The following DTNA variants were observed in gnomAD, a reference collection of about 807,000 sequenced individuals.
The protein encoded by DTNA is dystrophin-related protein 3.
Under a neutral mutation model 100.7 loss-of-function variants are expected in DTNA, and 43 were observed. The observed-to-expected ratio is 0.43, with a 90% confidence interval of 0.33 to 0.55. The LOEUF is 0.55. Among genes scored for constraint, DTNA ranks in the 20% least tolerant of loss-of-function variants. DTNA has a pLI of 0.04. For synonymous variants in DTNA, 349 were observed against 347.9 expected, an observed-to-expected ratio of 1.00 and a Z score of -0.04; for missense variants, 798 against 953.9, an observed-to-expected ratio of 0.84 and a Z score of 2.15.
At chr18:34,591,716 C>T (rs1286186460) in intron 1 of DTNA, among the ~76,000 whole-genome samples, 1 of 152,144 alleles carries the variant, frequency 6.6e-6, no homozygotes, top group Non-Finnish European at 1.5e-5. Flanking sequence ...CCTGCAGTTT[C>T]CCTAAGAAAC....
chr18:34,655,851 A>C (rs1034010665), intron 1 of DTNA, among the ~76,000 whole-genome samples: 1 of 152,354 alleles, frequency 6.6e-6, no homozygotes, highest in South Asian at 2.1e-4. Context: ...TGGAATAGAC[A>C]GACTTTGAGG....
At chr18:34,723,558 A>G (rs1180037389) in intron 1 of DTNA, among the ~76,000 whole-genome samples, 1 of 152,196 alleles carries the variant, frequency 6.6e-6, no homozygotes, top group Non-Finnish European at 1.5e-5. Context: ...AGGAGAATAC[A>G]AAGGCAATAA....
intron 3 of DTNA, among the ~76,000 whole-genome samples, chr18:34,782,754 C>G (rs758929293): frequency 6.6e-6 from 1 of 152,212 alleles, no homozygotes; most frequent in Non-Finnish European, 1.5e-5. Context: ...GGACTACAGA[C>G]TAGTAGACTG....
rs549580124 is a variant in DTNA at position 34,671,286 on chromosome 18, G to A, written c.-1-84690G>A. Reference sequence around the variant, plus strand: ...TTGCTAAGACCATTGGAAAAGTGCAGTATTAGGATGGGAGTGAACCGATTT... The same window carrying A: ...TTGCTAAGACCATTGGAAAAGTGCAATATTAGGATGGGAGTGAACCGATTT... On this transcript the variant is annotated intron_variant, in intron 1 of 19. Transcript: ENST00000283365. Among the ~76,000 whole-genome samples, 5 of 152,308 alleles carry A rather than the reference G, an allele frequency of 3.3e-5. No homozygotes were observed. The East Asian group carries it at 5.8e-4, about 18-fold the overall frequency.
intron 1 of DTNA, among the ~76,000 whole-genome samples, chr18:34,522,724 G>T (rs914816098): frequency 6.6e-6 from 1 of 152,156 alleles, no homozygotes; most frequent in African/African-American, 2.4e-5. Context: ...GGGTGGAAGG[G>T]CTCCTTGCAG....
intron 3 of DTNA, among the ~76,000 whole-genome samples, chr18:34,788,724 A>AGTGTCTGCTTTT (rs2094597943): frequency 6.6e-6 from 1 of 152,204 alleles, no homozygotes; most frequent in African/African-American, 2.4e-5. Context: ...AACAAAACTA[A>AGTGTCTGCTTTT]GTGTCTGCTT....
At chr18:34,521,603 C>T (rs1283901642) in intron 1 of DTNA, among the ~76,000 whole-genome samples, 2 of 152,086 alleles carry the variant, frequency 1.3e-5, no homozygotes, top group African/African-American at 4.8e-5. Context: ...TATTCCTTGA[C>T]TTCCGTCCCT....
intron 1 of DTNA, among the ~76,000 whole-genome samples, chr18:34,631,576 A>G (rs2058085281): frequency 6.6e-6 from 1 of 152,256 alleles, no homozygotes; most frequent in Non-Finnish European, 1.5e-5. Context: ...TTAAGAAGCA[A>G]AGTGATTAAA....
intron 1 of DTNA, among the ~76,000 whole-genome samples, chr18:34,724,648 A>T (rs1600855131): frequency 1.3e-5 from 2 of 152,166 alleles, no homozygotes; most frequent in South Asian, 2.1e-4. Flanking sequence ...GTGAATTGAT[A>T]CAGTGAGAAC....
chr18:34,496,244 A>ACACACACACACACC (rs1367443521), intron 1 of DTNA, among the ~76,000 whole-genome samples: 5 of 147,426 alleles, frequency 3.4e-5, no homozygotes, highest in African/African-American at 7.4e-5. Context: ...ACACACACAC[A>ACACACACACACACC]CCAGAATTAT....
intron 19 of DTNA, among the ~76,000 whole-genome samples, chr18:34,878,272 A>G (rs1003661600): frequency 6.6e-6 from 1 of 152,024 alleles, no homozygotes; most frequent in African/African-American, 2.4e-5. Context: ...GCCTATTCAG[A>G]TTTTTTAAGT....
chr18:34,882,251 T>C, intron 21 of DTNA, 50 bp downstream of exon 21: 1 of 1,606,632 alleles, frequency 6.2e-7, no homozygotes, highest in Non-Finnish European at 8.5e-7. Context: ...CTCAACCCCT[T>C]GGTAGCTGGG....
intron 1 of DTNA, among the ~76,000 whole-genome samples, chr18:34,713,749 T>G (rs886973745): frequency 1.3e-5 from 2 of 152,142 alleles, no homozygotes; most frequent in African/African-American, 4.8e-5. Context: ...ACGATATTGA[T>G]TCTTCCTACC....
intron 1 of DTNA, among the ~76,000 whole-genome samples, chr18:34,693,025 G>A (rs1256832072): frequency 6.6e-6 from 1 of 151,996 alleles, no homozygotes; most frequent in African/African-American, 2.4e-5. Flanking sequence ...CACTATTCAA[G>A]GGCCATGCAT....
chr18:34,690,632 A>G (rs1195881417), intron 1 of DTNA, among the ~76,000 whole-genome samples: 1 of 152,184 alleles, frequency 6.6e-6, no homozygotes, highest in Non-Finnish European at 1.5e-5. Flanking sequence ...AGTAATTCAG[A>G]TAGGTGATTT....
intron 4 of DTNA, among the ~76,000 whole-genome samples, chr18:34,795,087 C>T (rs754149109): frequency 6.6e-6 from 1 of 152,182 alleles, no homozygotes; most frequent in Non-Finnish European, 1.5e-5. Context: ...GTACCACCCC[C>T]TCCACTTCCA....
chr18:34,739,082 G>C (rs2090158544), intron 1 of DTNA, among the ~76,000 whole-genome samples: 1 of 152,008 alleles, frequency 6.6e-6, no homozygotes, highest in South Asian at 2.1e-4. Flanking sequence ...CCCTGCTCTA[G>C]TAATCCTGTT....
intron 1 of DTNA, among the ~76,000 whole-genome samples, chr18:34,599,430 A>T (rs971522047): frequency 1.3e-5 from 2 of 152,136 alleles, no homozygotes; most frequent in South Asian, 2.1e-4. Flanking sequence ...AATAATTTGA[A>T]CTCCTACCTT....
chr18:34,882,303 C>T, intron 21 of DTNA, 102 bp downstream of exon 21: 1 of 1,484,990 alleles, frequency 6.7e-7, no homozygotes, highest in Non-Finnish European at 9.1e-7. Context: ...CTTCCTTCCA[C>T]CCTCCCTTTT....
Sources: gnomAD v4.1 joint callset for allele counts (sites outside exome capture counted in the v4.1 genomes callset) on GRCh38, gnomAD v4.1.1 for gene constraint, MANE v1.5 for transcripts, NCBI Gene and HGNC (gene_info 2026-07-23, HGNC 2026-07-21) for gene names.